Variants in SCN7A observed in about 807,000 individuals in gnomAD.
SCN7A encodes the protein sodium voltage-gated channel alpha subunit 7.
SCN7A carries 138 observed loss-of-function variants against 155.2 expected under a neutral mutation model. The observed-to-expected ratio is 0.89, with a 90% confidence interval of 0.77 to 1.02. The LOEUF is 1.02. Ranked by LOEUF, SCN7A falls within the 50% of genes least tolerant of loss-of-function variation. SCN7A has a pLI of 0.00. For synonymous variants in SCN7A, 693 were observed against 649.0 expected (o/e 1.07, Z -1.03); for missense variants, 2,058 against 1,986.6 (o/e 1.04, Z -0.68).
At chr2:166,428,949 C>T (rs1701677090) in intron 17 of SCN7A, among the ~76,000 whole-genome samples, 1 of 151,988 alleles carries the variant, frequency 6.6e-6, no homozygotes, top group East Asian at 1.9e-4. Context: ...GTTCTTAGAT[C>T]TCATGAAATA....
chr2:166,431,686 C>T (rs983081828), intron 16 of SCN7A, among the ~76,000 whole-genome samples: 2 of 151,956 alleles, frequency 1.3e-5, no homozygotes, highest in Admixed American at 6.6e-5. Flanking sequence ...TCTTTGAATG[C>T]GACTCTGATT....
At chr2:166,408,979 T>A (rs572419108) in intron 25 of SCN7A, among the ~76,000 whole-genome samples, 1 of 152,072 alleles carries the variant, frequency 6.6e-6, no homozygotes, top group East Asian at 1.9e-4. Flanking sequence ...ACTGATTAGG[T>A]GACCTCCTTC....
chr2:166,476,242 C>T (rs562826856), intron 3 of SCN7A, among the ~76,000 whole-genome samples: 1 of 151,854 alleles, frequency 6.6e-6, no homozygotes, highest in African/African-American at 2.4e-5. Context: ...CAATAATCTT[C>T]CACCATGACA....
intron 11 of SCN7A, among the ~76,000 whole-genome samples, chr2:166,448,958 G>C (rs969531220): frequency 6.6e-6 from 1 of 152,162 alleles, no homozygotes; most frequent in Admixed American, 6.5e-5. Flanking sequence ...GGTTGTCTTA[G>C]ATAGACCATG....
intron 9 of SCN7A, 131 bp from the exon 10 acceptor site, chr2:166,462,661 C>T (rs1702441300): frequency 2.8e-6 from 2 of 723,138 alleles, no homozygotes; most frequent in Admixed American, 3.0e-5. Context: ...ATGTCTGCTC[C>T]CAAACAATTG....
intron 19 of SCN7A, among the ~76,000 whole-genome samples, chr2:166,421,531 A>T (rs1701511201): frequency 6.6e-6 from 1 of 152,050 alleles, no homozygotes; most frequent in South Asian, 2.1e-4. Context: ...TTCTGGTAAT[A>T]AGGAACATAT....
intron 3 of SCN7A, among the ~76,000 whole-genome samples, chr2:166,475,026 GTGTA>G (rs1273812654): frequency 4.2e-5 from 6 of 141,872 alleles, no homozygotes; most frequent in African/African-American, 1.0e-4. Flanking sequence ...ATGTGTGTGT[GTGTA>G]TATATATATA....
In SCN7A at chr2:166,462,332, T is replaced by G; in HGVS notation, c.1083+57A>C. ...ACTATATTACATTTGACCATTATCT[T>G]AGAAGCAAGGGCATGGTGCCATTCC... On this transcript the variant is annotated intron_variant, in intron 10 of 25. Coordinates refer to ENST00000643258, the MANE Select transcript of SCN7A (RefSeq NM_002976.4). The G allele has an allele frequency of 2.0e-6, 3 of 1,494,014 alleles. No homozygotes were observed. In the South Asian group the frequency reaches 4.0e-5, roughly 20 times the overall value. 92.5% of individuals were successfully genotyped at this position (1,494,014 alleles called of 1,614,324 possible).
At chr2:166,420,873 T>G (rs1211836604) in intron 20 of SCN7A, among the ~76,000 whole-genome samples, 1 of 151,990 alleles carries the variant, frequency 6.6e-6, no homozygotes, top group Non-Finnish European at 1.5e-5. Flanking sequence ...GACAACCGTA[T>G]TTTTAAAATG....
chr2:166,432,233 G>T (rs1575020774), intron 16 of SCN7A, 85 bp downstream of exon 16: 2 of 1,005,392 alleles, frequency 2.0e-6, no homozygotes, highest in Non-Finnish European at 2.9e-6. Flanking sequence ...GGATAATCTG[G>T]CTGTGGAACT....
chr2:166,476,552 C>T (rs936449281), intron 3 of SCN7A, among the ~76,000 whole-genome samples: 5 of 151,910 alleles, frequency 3.3e-5, no homozygotes, highest in South Asian at 2.1e-4. Flanking sequence ...ACTTCAGTCC[C>T]GGATTACTCT....
rs1039267606 is a variant in SCN7A, at chr2:166,492,000, G to A, written c.-128+1968C>T. Among the ~76,000 whole-genome samples the A allele has an allele frequency of 2.0e-5, 3 of 152,050 alleles. No homozygotes were observed. In the South Asian group the frequency reaches 6.2e-4, roughly 32 times the overall value. On this transcript the variant is annotated intron_variant, in intron 1 of 25. Coordinates refer to ENST00000643258, the MANE Select transcript of SCN7A (RefSeq NM_002976.4). ...GGAGTGCAGATTTCCCAATCCCTGA[G>A]TAAGGGATTGGGGAAAATACTGTTA...
Position 166,432,580 on chromosome 2 carries a change from G to A in SCN7A, c.2330C>T (p.Thr777Ile). 6.2e-7 allele frequency: 1 copy of A among 1,613,294 alleles called. No individual in the cohort carries two copies. Among genetic ancestry groups the A allele is most frequent in the African/African-American group, 1.3e-5 (1 of 74,966 alleles). Residue 777 changes from threonine (T) to isoleucine (I), a missense_variant, in exon 16 of 26, where the codon ACA becomes ATA. Physicochemically the swap from Thr to Ile is moderately conservative, Grantham distance 89 (BLOSUM62 -1). Transcript: ENST00000643258. ...ATATACCTCATTTACATGGTCCATTGTGTCCTTTGGGACATTTTGTGTTTT... is the reference window on the plus strand; with the variant it reads ...ATATACCTCATTTACATGGTCCATTATGTCCTTTGGGACATTTTGTGTTTT... ...LCKTQNVPKD[T>I]MDHVNEVYVK...
rs974634815 is a variant in SCN7A at position 166,490,205 on chromosome 2, CCTCT to C, written c.-127-3241_-127-3238del. On this transcript the variant is annotated intron_variant, in intron 1 of 25. Transcript: ENST00000643258. ...CAATAGAACACTTATACTTATGCCT[CCTCT>C]CTAACTGAAATTTTGCACACTTTGA... Among the ~76,000 whole-genome samples, 16 of 152,168 alleles carry C rather than the reference CCTCT, an allele frequency of 1.1e-4. No homozygotes were observed. In the South Asian group the frequency reaches 2.5e-3, roughly 24 times the overall value.
rs778211613 is a variant in SCN7A, at chr2:166,406,280, T to A, written c.4349A>T (p.Asp1450Val). The A allele has an allele frequency of 1.2e-6, 2 of 1,613,144 alleles. No homozygotes were observed. Among genetic ancestry groups the A allele is most frequent in the South Asian group, 2.2e-5 (2 of 91,072 alleles). The stretch of plus-strand genomic sequence containing the variant: ...AGGGTTAATTTTATCAGGATCACAG[T>A]CAGACCATTTACTGTTGAAAATTGC... The part of the protein sequence containing the change: ...LDAIFNSKWS[D>V]CDPDKINPGT... Residue 1450 changes from aspartate to valine, a missense_variant, in exon 26 of 26, where the codon GAC (aspartate) becomes GTC (valine). Physicochemically the swap from Asp to Val is radical, Grantham distance 152. Coordinates refer to ENST00000643258, the MANE Select transcript of SCN7A (RefSeq NM_002976.4).
intron 3 of SCN7A, among the ~76,000 whole-genome samples, chr2:166,475,869 A>G (rs1481926125): frequency 6.6e-6 from 1 of 151,974 alleles, no homozygotes; most frequent in Non-Finnish European, 1.5e-5. Flanking sequence ...CTTGCTCCAG[A>G]TGTTTCATGG....
chr2:166,419,010 T>A (rs1189078612), intron 20 of SCN7A, among the ~76,000 whole-genome samples: 2 of 152,164 alleles, frequency 1.3e-5, no homozygotes, highest in Non-Finnish European at 2.9e-5. Context: ...CATTGTTTCA[T>A]TGCCATTCTA....
rs1683174953 is a variant in SCN7A at position 166,494,075 on chromosome 2, G to C, written c.-235C>G. 6.6e-6 allele frequency: 1 copy of C among 152,368 alleles called. No individual in the cohort carries two copies. The highest frequency in any genetic ancestry group is 6.6e-5 in the Admixed American group (1 of 15,262). 9.4% of individuals were successfully genotyped at this position (152,368 alleles called of 1,614,324 possible). A position where few individuals can be genotyped will look rare whatever the true frequency, so the allele number is the denominator to read the frequency against. On this transcript the variant is annotated 5_prime_UTR_variant, in exon 1 of 26. Coordinates refer to ENST00000643258, the MANE Select transcript of SCN7A (RefSeq NM_002976.4). The stretch of plus-strand genomic sequence containing the variant: ...GCTTCTCTTTCTCCACGGATCTCTC[G>C]GGTTTTCTGAGCTCTAGTTGTACAG...
chr2:166,462,363 A>G (rs1181002893), intron 10 of SCN7A, 26 bp downstream of exon 10: 1 of 1,568,298 alleles, frequency 6.4e-7, no homozygotes, highest in Non-Finnish European at 8.7e-7. Flanking sequence ...ATTCCTAAGT[A>G]CAGTACAATT....
Sources: gnomAD v4.1 joint callset for allele counts (sites outside exome capture counted in the v4.1 genomes callset) on GRCh38, gnomAD v4.1.1 for gene constraint, MANE v1.5 for transcripts, NCBI Gene and HGNC (gene_info 2026-07-23, HGNC 2026-07-21) for gene names.